SERPINB1: variants seen among roughly 807,000 people sequenced by gnomAD.
SERPINB1 encodes the protein serpin family B member 1.
A neutral mutation model predicts 25.9 loss-of-function variants in SERPINB1; 23 were observed. The observed-to-expected ratio is 0.89, with a 90% CI of 0.64 to 1.26. SERPINB1 has a LOEUF of 1.26. SERPINB1 is among the 50% of genes most tolerant of loss of function. SERPINB1 has a pLI of 0.00. For missense variants in SERPINB1, 399 were observed against 463.6 expected, an observed-to-expected ratio of 0.86 and a Z score of 1.28; for synonymous variants, 178 against 178.7, an observed-to-expected ratio of 1.00 and a Z score of 0.03.
rs61761877 is a variant in SERPINB1, at chr6:2,833,917, T to G, written c.831A>C (p.Lys277Asn). 6 of 1,614,044 alleles carry G rather than the reference T, an allele frequency of 3.7e-6. No individual in the cohort carries two copies. The highest frequency in any genetic ancestry group is 5.1e-6 in the Non-Finnish European group (6 of 1,180,022). Residue 277 changes from lysine to asparagine, a missense_variant, in exon 7 of 7, where the codon AAA becomes AAC. Transcript: ENST00000380739. ...IEVNVSLPRF[K>N]LEESYTLNSD... The stretch of plus-strand genomic sequence containing the variant: ...AGTTGAGAGTGTAACTCTCTTCCAG[T>G]TTGAACCTGGGCAAGCTGACATTAA...
rs749923858 is a variant in SERPINB1 at position 2,837,875 on chromosome 6, C to T, written c.424+7G>A. The T allele has an allele frequency of 1.9e-6, 3 of 1,596,938 alleles. No individual in the cohort carries two copies. In the Admixed American group the frequency reaches 5.0e-5, roughly 27 times the overall value. The stretch of plus-strand genomic sequence containing the variant: ...GCATAATGATTCCATTCTGCCCAGG[C>T]TCTCACCTTCTGTCTGTCCTTTGAC... On this transcript the variant is annotated splice_region_variant and intron_variant, in intron 4 of 6. Transcript: ENST00000380739. The surrounding 1 kb of genome is among the most constrained non-coding windows in gnomAD (Gnocchi z 4.3).
At chr6:2,840,713 G>T in intron 1 of SERPINB1, 119 bp from the exon 2 acceptor site, 1 of 908,736 alleles carries the variant, frequency 1.1e-6, no homozygotes, top group Non-Finnish European at 1.6e-6. Flanking sequence ...CCTGGATCTT[G>T]TACTTTCTCC....
Position 2,837,796 on chromosome 6 carries a change from G to A in SERPINB1, c.424+86C>T. ...GCGCCAGGACTGTGGGAGCTGGGGA[G>A]GGAATAACTGCAGGTAGGGAAGGCG... On this transcript the variant is annotated intron_variant, in intron 4 of 6. Coordinates refer to ENST00000380739, the MANE Select transcript of SERPINB1 (RefSeq NM_030666.4). The surrounding 1 kb of genome is among the most constrained non-coding windows in gnomAD (Gnocchi z 4.3). The A allele has an allele frequency of 3.1e-6, 3 of 965,580 alleles. No individual in the cohort carries two copies. The highest frequency in any genetic ancestry group is 2.7e-5 in the South Asian group (2 of 74,756). The allele number at this position is 965,580 out of a possible 1,614,324, so 59.8% of individuals were successfully genotyped here.
chr6:2,836,200 G>T lies in SERPINB1; in HGVS notation c.475C>A (p.Leu159Ile). The change falls in exon 5 of 7, where the codon CTT (leucine) becomes ATT (isoleucine). Residue 159 changes from leucine (L) to isoleucine (I), a missense_variant. Coordinates refer to ENST00000380739, the MANE Select transcript of SERPINB1 (RefSeq NM_030666.4). ...AAATAGATGGCATTTACTAGCACAA[G>T]TTTGGTCATGTTATCAACCATGCCC... ...ASGMVDNMTK[L>I]VLVNAIYFKG... The T allele has an allele frequency of 6.2e-7, 1 of 1,613,646 alleles. No individual in the cohort carries two copies. The highest frequency in any genetic ancestry group is 8.5e-7 in the Non-Finnish European group (1 of 1,179,962).
intron 4 of SERPINB1, among the ~76,000 whole-genome samples, chr6:2,836,576 C>A (rs1044246709): frequency 6.6e-6 from 1 of 152,090 alleles, no homozygotes; most frequent in African/African-American, 2.4e-5. Flanking sequence ...TTTGTAACAA[C>A]CATTCTTTTT....
chr6:2,837,955 G>A lies in SERPINB1; in HGVS notation c.351C>T (p.Ala117=), dbSNP rs1766542193. 1 of 1,613,656 alleles carries A rather than the reference G, an allele frequency of 6.2e-7. No individual in the cohort carries two copies. The highest frequency in any genetic ancestry group is 1.7e-5 in the Admixed American group (1 of 59,966). The change falls in exon 4 of 7, where the codon GCC becomes GCT. Residue 117 remains alanine, a synonymous_variant. Transcript: ENST00000380739. This position sits in a 1 kb window ranked among gnomAD's most constrained non-coding sequence, Gnocchi z 4.3. The part of the protein sequence containing the change: ...STQKTYGADL[A]SVDFQHASED... ...CAGAGGCATGCTGAAAATCCACACT[G>A]GCCAGGTCAGCACCATATGTTTTCT...
At chr6:2,834,110 CTAGT>C (rs1766418819) in intron 6 of SERPINB1, 98 bp from the exon 7 acceptor site, 1 of 1,146,202 alleles carries the variant, frequency 8.7e-7, no homozygotes, top group Non-Finnish European at 1.2e-6. Flanking sequence ...ATATCAGTTG[CTAGT>C]TAGTTTCCTT....
chr6:2,840,674 C>T, intron 1 of SERPINB1, 80 bp from the exon 2 acceptor site: 1 of 1,405,134 alleles, frequency 7.1e-7, no homozygotes, highest in Non-Finnish European at 9.6e-7. Context: ...CAGAAGCTTC[C>T]TCAATTTCTG....
At chr6:2,836,815 A>G (rs557215362) in intron 4 of SERPINB1, among the ~76,000 whole-genome samples, 3 of 152,280 alleles carry the variant, frequency 2.0e-5, no homozygotes, top group Middle Eastern at 3.4e-3. Context: ...CGATCGCACC[A>G]CTGCACTCAA....
At chr6:2,839,638 G>A (rs1264950464) in intron 2 of SERPINB1, among the ~76,000 whole-genome samples, 4 of 152,300 alleles carry the variant, frequency 2.6e-5, no homozygotes, top group Admixed American at 1.3e-4. Context: ...TGTAATTTGC[G>A]GCAGGTATGT....
Position 2,833,922 on chromosome 6 carries a change from A to T in SERPINB1, c.826T>A (p.Phe276Ile). Residue 276 changes from phenylalanine to isoleucine, a missense_variant, in exon 7 of 7, where the codon TTC becomes ATC. By Grantham distance (21) the Phe-to-Ile change is conservative. Transcript: ENST00000380739. ...AGAGTGTAACTCTCTTCCAGTTTGA[A>T]CCTGGGCAAGCTGACATTAACTTCA... Reference protein sequence around the residue: ...FIEVNVSLPRFKLEESYTLNS... With the variant: ...FIEVNVSLPRIKLEESYTLNS... 1 of 1,614,100 alleles carries T rather than the reference A, an allele frequency of 6.2e-7. No homozygotes were observed. The highest frequency in any genetic ancestry group is 1.1e-5 in the South Asian group (1 of 91,078).
Position 2,840,418 on chromosome 6 carries a change from C to T in SERPINB1, c.168+1G>A. The T allele has an allele frequency of 6.2e-7, 1 of 1,613,852 alleles. No individual in the cohort carries two copies. Among genetic ancestry groups the T allele is most frequent in the Admixed American group, 1.7e-5 (1 of 59,982 alleles). On this transcript the variant is annotated splice_donor_variant, in intron 2 of 6. Coordinates refer to ENST00000380739, the MANE Select transcript of SERPINB1 (RefSeq NM_030666.4). LOFTEE classifies it high-confidence loss of function. Reference sequence around the variant, plus strand: ...AGACCCTTTTTTTTGTTTCTGCTGACCTTGGACAGCTGTGCTGCCGTGTTA... The same window carrying T: ...AGACCCTTTTTTTTGTTTCTGCTGATCTTGGACAGCTGTGCTGCCGTGTTA...
At chr6:2,834,137 CA>C (rs3215397) in intron 6 of SERPINB1, 125 bp from the exon 7 acceptor site, 433,516 of 866,460 alleles carry the variant, frequency 0.5, 113,711 homozygotes, top group Admixed American at 0.61. Flanking sequence ...TGTTTTGTGC[CA>C]AAACAGATTC....
intron 4 of SERPINB1, among the ~76,000 whole-genome samples, chr6:2,836,648 G>A (rs955649090): frequency 2.0e-5 from 1 of 49,384 alleles, no homozygotes; most frequent in African/African-American, 4.2e-5. Context: ...TCTTCAAATC[G>A]CTGAGTAGAT....
At position 2,837,258 on chromosome 6, in the gene SERPINB1, CTTTA is replaced by C. The variant is rs1405368231; in HGVS notation, c.424+620_424+623del. Among the ~76,000 whole-genome samples the C allele has an allele frequency of 3.9e-5, 6 of 152,058 alleles. No individual in the cohort carries two copies. In the East Asian group the frequency reaches 1.2e-3, roughly 29 times the overall value. ...TTGCTGTATTCAGTGTTGGTTTTAA[CTTTA>C]TTTTTTATTTTTTATTATTTTTATT... On this transcript the variant is annotated intron_variant, in intron 4 of 6. Transcript: ENST00000380739. This position sits in a 1 kb window ranked among gnomAD's most constrained non-coding sequence, Gnocchi z 4.3.
At position 2,837,885 on chromosome 6, in the gene SERPINB1, C is replaced by T; in HGVS notation, c.421G>A (p.Glu141Lys). ...TCCATTCTGCCCAGGCTCTCACCTT[C>T]TGTCTGTCCTTTGACCCACTGGTTT... ...TINQWVKGQTEGKIPELLASG... is the reference protein window; with the variant it reads ...TINQWVKGQTKGKIPELLASG... The change falls in exon 4 of 7, where the codon GAA becomes AAA. Residue 141 changes from glutamate to lysine, a missense_variant. Transcript: ENST00000380739. This position sits in a 1 kb window ranked among gnomAD's most constrained non-coding sequence, Gnocchi z 4.3. 6.2e-7 allele frequency: 1 copy of T among 1,610,296 alleles called. No individual in the cohort carries two copies. The highest frequency in any genetic ancestry group is 8.5e-7 in the Non-Finnish European group (1 of 1,176,632).
In SERPINB1 at chr6:2,833,971, A is replaced by T; in HGVS notation, c.777T>A (p.Thr259=). Residue 259 remains threonine, a synonymous_variant, in exon 7 of 7, where the codon ACT becomes ACA. Transcript: ENST00000380739. Reference sequence around the variant, plus strand: ...CAATGAAATCGAGATTCTCAGGTTTAGTCCACTCATGCAACTTTTCCAAAG... The same window carrying T: ...CAATGAAATCGAGATTCTCAGGTTTTGTCCACTCATGCAACTTTTCCAAAG... ...QLTLEKLHEW[T]KPENLDFIEV... The T allele has an allele frequency of 6.2e-7, 1 of 1,609,872 alleles. No homozygotes were observed. Among genetic ancestry groups the T allele is most frequent in the Non-Finnish European group, 8.5e-7 (1 of 1,177,576 alleles).
intron 2 of SERPINB1, 87 bp from the exon 3 acceptor site, chr6:2,838,773 TA>T (rs1187894055): frequency 3.7e-6 from 4 of 1,079,642 alleles, no homozygotes; most frequent in African/African-American, 3.2e-5. Flanking sequence ...CACATTAAAT[TA>T]ATGTGTTTTT....
Position 2,837,331 on chromosome 6 carries a change from T to C in SERPINB1, c.424+551A>G, listed in dbSNP as rs1371028604. 6.6e-6 allele frequency among the ~76,000 whole-genome samples: 1 copy of C among 152,090 alleles called. No homozygotes were observed. The highest frequency in any genetic ancestry group is 1.9e-4 in the East Asian group (1 of 5,200). On this transcript the variant is annotated intron_variant, in intron 4 of 6. Transcript: ENST00000380739. The surrounding 1 kb of genome is among the most constrained non-coding windows in gnomAD (Gnocchi z 4.3). ...TCTCGCTCTGTTGCCTAGGCTGGAGTACAGTGGCATGATCTCGGCTCACTG... is the reference window on the plus strand; with the variant it reads ...TCTCGCTCTGTTGCCTAGGCTGGAGCACAGTGGCATGATCTCGGCTCACTG...
Sources: allele counts gnomAD v4.1 joint callset (sites outside exome capture counted in the v4.1 genomes callset), GRCh38; gene constraint gnomAD v4.1.1; non-coding constraint Gnocchi (gnomAD v3.1); transcripts MANE v1.5; gene names NCBI Gene and HGNC (gene_info 2026-07-23, HGNC 2026-07-21).